The following DCC variants were observed in gnomAD, a reference collection of about 807,000 sequenced individuals.
The protein encoded by DCC is netrin receptor DCC.
Under a neutral mutation model 172.5 loss-of-function variants are expected in DCC, and 58 were observed. The observed-to-expected ratio is 0.34, with a 90% CI of 0.27 to 0.42. The LOEUF (loss-of-function observed/expected upper bound fraction) is 0.42. Ranked by LOEUF, DCC falls within the 10% of genes least tolerant of loss-of-function variation. The probability of loss-of-function intolerance (pLI) is 1.00; values close to 1 mark genes in which losing one functional copy is unlikely to be tolerated. For synonymous variants in DCC, 709 were observed against 644.5 expected (o/e 1.10, Z -1.52); for missense variants, 1,740 against 1,791.0 (o/e 0.97, Z 0.51).
At chr18:52,612,819 T>G (rs552328009) in intron 1 of DCC, among the ~76,000 whole-genome samples, 1 of 152,366 alleles carries the variant, frequency 6.6e-6, no homozygotes, top group East Asian at 1.9e-4. Flanking sequence ...TTGCCTTATG[T>G]AATCTCTTGC....
intron 9 of DCC, among the ~76,000 whole-genome samples, chr18:53,194,155 A>C (rs1345226549): frequency 1.3e-5 from 2 of 152,174 alleles, no homozygotes; most frequent in Non-Finnish European, 2.9e-5. Flanking sequence ...TAGAGAACTG[A>C]GATTTTTGCA....
At chr18:53,463,305 G>C (rs2045581887) in intron 24 of DCC, among the ~76,000 whole-genome samples, 1 of 152,222 alleles carries the variant, frequency 6.6e-6, no homozygotes, top group South Asian at 2.1e-4. Flanking sequence ...AATCCCAAAT[G>C]ATGACTGTTT....
At position 53,149,013 on chromosome 18, in the gene DCC, C is replaced by T. The variant is rs574818746; in HGVS notation, c.1262-8343C>T. On this transcript the variant is annotated intron_variant, in intron 7 of 28. Coordinates refer to ENST00000442544, the MANE Select transcript of DCC (RefSeq NM_005215.4). ...GAATAGCTGGGATTACAGGCACCCCCCACCACACCCGGCTAGTTTTTGTAT... is the reference window on the plus strand; with the variant it reads ...GAATAGCTGGGATTACAGGCACCCCTCACCACACCCGGCTAGTTTTTGTAT... Among the ~76,000 whole-genome samples the T allele has an allele frequency of 3.3e-5, 5 of 152,072 alleles. No individual in the cohort carries two copies. The East Asian group carries it at 5.8e-4, about 18-fold the overall frequency.
Position 53,066,082 on chromosome 18 carries a change from T to C in DCC, c.1177T>C (p.Ser393Pro), listed in dbSNP as rs1042269937. The change falls in exon 7 of 29, where the codon TCA becomes CCA. Residue 393 changes from serine (S) to proline (P), a missense_variant. This residue lies in a region of DCC where 1,732 missense variants were observed against 1,767.4 expected (regional missense o/e 0.98). Transcript: ENST00000442544. ...CTTACGGATACTTGGGGTGGTGAAGTCAGATGAAGGCTTTTATCAATGTGT... is the reference window on the plus strand; with the variant it reads ...CTTACGGATACTTGGGGTGGTGAAGCCAGATGAAGGCTTTTATCAATGTGT... ...SNLRILGVVK[S>P]DEGFYQCVAE... is the part of the protein sequence containing the mutation. 2.5e-6 allele frequency: 4 copies of C among 1,613,240 alleles called. No homozygotes were observed. The highest frequency in any genetic ancestry group is 3.4e-6 in the Non-Finnish European group (4 of 1,179,616).
intron 25 of DCC, among the ~76,000 whole-genome samples, chr18:53,472,122 A>G (rs1400218708): frequency 6.6e-6 from 1 of 152,172 alleles, no homozygotes; most frequent in Non-Finnish European, 1.5e-5. Flanking sequence ...CAATTTTACT[A>G]TAATAAGTGC....
intron 14 of DCC, among the ~76,000 whole-genome samples, chr18:53,329,201 G>A (rs1171797809): frequency 6.6e-6 from 1 of 152,048 alleles, no homozygotes; most frequent in Admixed American, 6.6e-5. Context: ...ATGCCAAATG[G>A]TAAAATACTA....
chr18:52,659,162 A>G (rs867645016), intron 1 of DCC, among the ~76,000 whole-genome samples: 1 of 152,216 alleles, frequency 6.6e-6, no homozygotes, highest in Non-Finnish European at 1.5e-5. Context: ...AAACAGATGG[A>G]ACTCAGTACA....
chr18:52,591,218 T>A (rs1463795364), intron 1 of DCC, among the ~76,000 whole-genome samples: 2 of 152,176 alleles, frequency 1.3e-5, no homozygotes, highest in African/African-American at 2.4e-5. Flanking sequence ...CATAATTTTT[T>A]AAAATTCTTT....
chr18:52,760,501 G>T (rs761381637), intron 2 of DCC, among the ~76,000 whole-genome samples: 8 of 152,152 alleles, frequency 5.3e-5, no homozygotes, highest in Non-Finnish European at 8.8e-5. Context: ...CACATAGAAA[G>T]GTGGGAGATA....
At chr18:52,976,985 C>G (rs1274364766) in intron 5 of DCC, among the ~76,000 whole-genome samples, 11 of 152,160 alleles carry the variant, frequency 7.2e-5, no homozygotes, top group Non-Finnish European at 1.5e-4. Flanking sequence ...TTAATAAACA[C>G]TTACTCTGTG....
chr18:52,998,369 G>A (rs1435534640), intron 5 of DCC, among the ~76,000 whole-genome samples: 1 of 151,960 alleles, frequency 6.6e-6, no homozygotes, highest in African/African-American at 2.4e-5. Flanking sequence ...AGAAATAGTG[G>A]GCAAGCTTAT....
chr18:52,432,785 G>C (rs533513440), intron 1 of DCC, among the ~76,000 whole-genome samples: 1 of 152,124 alleles, frequency 6.6e-6, no homozygotes, highest in Admixed American at 6.6e-5. Flanking sequence ...TGAGTACTAC[G>C]AGTGGATTTA....
chr18:53,222,789 T>C (rs1364631002), intron 12 of DCC, among the ~76,000 whole-genome samples: 1 of 152,142 alleles, frequency 6.6e-6, no homozygotes, highest in Non-Finnish European at 1.5e-5. Context: ...AGTATTTGTT[T>C]AACTCAGCTT....
At chr18:52,672,497 C>T (rs192190100) in intron 1 of DCC, among the ~76,000 whole-genome samples, 1,865 of 152,000 alleles carry the variant, frequency 0.012, 48 homozygotes, top group African/African-American at 0.042. Flanking sequence ...CATTTTCTCC[C>T]GTTTCTTTCC....
intron 2 of DCC, among the ~76,000 whole-genome samples, chr18:52,905,525 A>G (rs928565785): frequency 6.6e-6 from 1 of 152,152 alleles, no homozygotes; most frequent in Non-Finnish European, 1.5e-5. Context: ...TGTTACTATA[A>G]TTGGTGGTTC....
At chr18:53,343,848 T>C (rs2057690071) in intron 15 of DCC, among the ~76,000 whole-genome samples, 1 of 152,064 alleles carries the variant, frequency 6.6e-6, no homozygotes, top group African/African-American at 2.4e-5. Context: ...ATAGGTCTGA[T>C]TTGCAAACTT....
At chr18:53,165,686 A>C (rs986840024) in intron 8 of DCC, among the ~76,000 whole-genome samples, 1 of 152,220 alleles carries the variant, frequency 6.6e-6, no homozygotes, top group Non-Finnish European at 1.5e-5. Context: ...TGAAAAATGA[A>C]ACATGCCATC....
intron 2 of DCC, among the ~76,000 whole-genome samples, chr18:52,804,485 G>T (rs762025339): frequency 6.6e-6 from 1 of 152,056 alleles, no homozygotes; most frequent in African/African-American, 2.4e-5. Context: ...AAGTATCATC[G>T]GTTTATAGAC....
At chr18:53,247,158 A>G (rs955715582) in intron 12 of DCC, among the ~76,000 whole-genome samples, 5 of 152,062 alleles carry the variant, frequency 3.3e-5, no homozygotes, top group African/African-American at 1.2e-4. Flanking sequence ...ACAACCTTAG[A>G]TTACTTAAAA....
Sources: gnomAD v4.1 joint callset for allele counts (sites outside exome capture counted in the v4.1 genomes callset) on GRCh38, gnomAD v4.1.1 for gene constraint, gnomAD v4.1.1 regional missense constraint, MANE v1.5 for transcripts, NCBI Gene and HGNC (gene_info 2026-07-23, HGNC 2026-07-21) for gene names.